PTPRZ1: variants seen among roughly 807,000 people sequenced by gnomAD.
PTPRZ1 encodes the protein protein tyrosine phosphatase receptor type Z1.
Under a neutral mutation model 214.1 loss-of-function variants are expected in PTPRZ1, and 82 were observed. The observed-to-expected ratio is 0.38, with a 90% CI of 0.32 to 0.46. The LOEUF (loss-of-function observed/expected upper bound fraction) is 0.46, where lower values mean the gene tolerates loss of function less well. Among genes scored for constraint, PTPRZ1 ranks in the 20% least tolerant of loss-of-function variants. PTPRZ1 has a pLI of 1.00. For synonymous variants in PTPRZ1, 945 were observed against 987.9 expected (o/e 0.96, Z 0.81); for missense variants, 2,603 against 2,748.7 (o/e 0.95, Z 1.19).
intron 13 of PTPRZ1, among the ~76,000 whole-genome samples, chr7:122,022,241 A>G (rs1355056500): frequency 6.6e-6 from 1 of 152,230 alleles, no homozygotes; most frequent in Non-Finnish European, 1.5e-5. Context: ...AATGGTTTTT[A>G]AAGTGTTCTA....
intron 2 of PTPRZ1, among the ~76,000 whole-genome samples, chr7:121,937,910 G>GT (rs1016830339): frequency 6.6e-6 from 1 of 152,052 alleles, no homozygotes; most frequent in Non-Finnish European, 1.5e-5. Context: ...CACAAGTATT[G>GT]TAAGTGCCAA....
At position 122,016,947 on chromosome 7, in the gene PTPRZ1, G is replaced by A. The variant is rs73717779; in HGVS notation, c.4844-2177G>A. Among the ~76,000 whole-genome samples, 878 of 152,162 alleles carry A rather than the reference G, an allele frequency of 5.8e-3. 6 individuals are homozygous for A. Among genetic ancestry groups the A allele is most frequent in the African/African-American group, 0.02 (844 of 41,544 alleles). On this transcript the variant is annotated intron_variant, in intron 12 of 29. Transcript: ENST00000393386. ...CAAATTGCTGACCCTTACACACAGA[G>A]TTTCTGGTTCAGAAGATTTTGTATG...
intron 2 of PTPRZ1, among the ~76,000 whole-genome samples, chr7:121,962,412 C>G (rs1260964263): frequency 6.6e-6 from 1 of 151,406 alleles, no homozygotes; most frequent in Non-Finnish European, 1.5e-5. Context: ...TGCACCACTG[C>G]ACTCCAGCCT....
intron 1 of PTPRZ1, among the ~76,000 whole-genome samples, chr7:121,878,571 T>G (rs1478502760): frequency 6.6e-6 from 1 of 152,158 alleles, no homozygotes; most frequent in Non-Finnish European, 1.5e-5. Context: ...TTTGTAGCCT[T>G]TATGGACTGA....
In PTPRZ1 at chr7:121,965,714, T is replaced by C. The variant is rs118047364; in HGVS notation, c.125-2237T>C. Among the ~76,000 whole-genome samples the C allele has an allele frequency of 3.5e-4, 53 of 152,302 alleles. 1 individual carries two copies. The East Asian group carries it at 8.1e-3, about 23-fold the overall frequency. On this transcript the variant is annotated intron_variant, in intron 2 of 29. Transcript: ENST00000393386. ...GGAATTGTACAGGATGATTACATCA[T>C]AGGGTGGAAATTTTGGGAGCCAAGT...
chr7:121,898,624 A>T (rs1459102736), intron 1 of PTPRZ1, among the ~76,000 whole-genome samples: 1 of 152,126 alleles, frequency 6.6e-6, no homozygotes, highest in African/African-American at 2.4e-5. Flanking sequence ...TGAGGGAATT[A>T]TCTTGAATAT....
intron 23 of PTPRZ1, among the ~76,000 whole-genome samples, chr7:122,047,740 C>T (rs1282279095): frequency 6.6e-6 from 1 of 151,840 alleles, no homozygotes; most frequent in Non-Finnish European, 1.5e-5. Flanking sequence ...CCTTCCTCTC[C>T]CTGGCTTAAC....
intron 9 of PTPRZ1, among the ~76,000 whole-genome samples, chr7:121,996,877 G>A (rs1160569751): frequency 6.6e-6 from 1 of 152,132 alleles, no homozygotes; most frequent in Non-Finnish European, 1.5e-5. Flanking sequence ...TTGTAGAATA[G>A]TGCCAGAATC....
intron 1 of PTPRZ1, among the ~76,000 whole-genome samples, chr7:121,891,451 C>CTTTTTTTTTTTTTTTTTTTT (rs58135453): frequency 4.2e-4 from 15 of 35,754 alleles, no homozygotes; most frequent in African/African-American, 1.0e-3. Context: ...AAAACAACCT[C>CTTTTTTTTTTTTTTTTTTTT]TTTTTTTTTT....
intron 27 of PTPRZ1, among the ~76,000 whole-genome samples, chr7:122,057,646 T>C (rs1270529557): frequency 1.1e-4 from 2 of 17,634 alleles, no homozygotes; most frequent in Admixed American, 7.9e-4. Flanking sequence ...TTTGTGATTC[T>C]TTTTTTTTTT....
chr7:121,977,486 C>T (rs760311172), intron 6 of PTPRZ1, among the ~76,000 whole-genome samples: 95 of 152,122 alleles, frequency 6.2e-4, no homozygotes, highest in Non-Finnish European at 1.3e-3. Context: ...TAAGCACTCA[C>T]ACACAGGATC....
chr7:121,923,229 C>T (rs897512197), intron 1 of PTPRZ1, among the ~76,000 whole-genome samples: 1 of 152,116 alleles, frequency 6.6e-6, no homozygotes, highest in Non-Finnish European at 1.5e-5. Context: ...TTTAATGGTT[C>T]ATCTCTAATT....
chr7:121,938,100 A>G (rs1340676794), intron 2 of PTPRZ1, among the ~76,000 whole-genome samples: 1 of 152,216 alleles, frequency 6.6e-6, no homozygotes, highest in East Asian at 1.9e-4. Flanking sequence ...AGAGATAACT[A>G]CTCTTAATGT....
intron 15 of PTPRZ1, chr7:122,031,909 T>G (rs989038027): frequency 1.3e-5 from 2 of 154,868 alleles, no homozygotes; most frequent in Admixed American, 1.3e-4. Flanking sequence ...CTACTAAATT[T>G]CATGATTTCC....
intron 2 of PTPRZ1, among the ~76,000 whole-genome samples, chr7:121,964,625 G>A (rs534310574): frequency 2.2e-4 from 33 of 152,108 alleles, no homozygotes; most frequent in African/African-American, 7.7e-4. Context: ...TGAAGTACTG[G>A]GATGTAGAAA....
chr7:121,921,987 T>G (rs901022560), intron 1 of PTPRZ1, among the ~76,000 whole-genome samples: 1 of 152,198 alleles, frequency 6.6e-6, no homozygotes, highest in African/African-American at 2.4e-5. Flanking sequence ...ATAGGCTGTA[T>G]GATAATTTAA....
intron 1 of PTPRZ1, among the ~76,000 whole-genome samples, chr7:121,874,639 A>AT (rs1793997277): frequency 6.6e-6 from 1 of 152,198 alleles, no homozygotes; most frequent in African/African-American, 2.4e-5. Flanking sequence ...AACAGAAACT[A>AT]TTTTTAAGTT....
chr7:121,989,570 C>T (rs142273027), intron 8 of PTPRZ1, among the ~76,000 whole-genome samples: 9 of 152,080 alleles, frequency 5.9e-5, no homozygotes, highest in Admixed American at 1.3e-4. Context: ...GACAGGGTTT[C>T]GCCATGTTAG....
chr7:122,050,055 C>T (rs1283973594), intron 23 of PTPRZ1, among the ~76,000 whole-genome samples: 3 of 152,134 alleles, frequency 2.0e-5, no homozygotes, highest in Non-Finnish European at 4.4e-5. Flanking sequence ...CATTGTATCT[C>T]TACCACTCCT....
Sources: gnomAD v4.1 joint callset for allele counts (sites outside exome capture counted in the v4.1 genomes callset) on GRCh38, gnomAD v4.1.1 for gene constraint, MANE v1.5 for transcripts, NCBI Gene and HGNC (gene_info 2026-07-23, HGNC 2026-07-21) for gene names.